The following SNED1 variants were observed in gnomAD, a reference collection of about 807,000 sequenced individuals.
The protein encoded by SNED1 is sushi, nidogen and EGF-like domain-containing protein 1.
In SNED1, 81 loss-of-function variants were observed where a neutral mutation model predicts 166.7. The observed-to-expected ratio is 0.49, with a 90% CI of 0.41 to 0.58. The LOEUF is 0.58. Ranked by LOEUF, SNED1 falls within the 20% of genes least tolerant of loss-of-function variation. The pLI, the probability that SNED1 is intolerant of heterozygous loss-of-function variation, is 0.00. For missense variants in SNED1, 1,604 were observed against 2,000.2 expected (o/e 0.80, Z 3.78); for synonymous variants, 762 against 822.0 (o/e 0.93, Z 1.25).
At chr2:241,032,156 C>T (rs987582155) in intron 2 of SNED1, among the ~76,000 whole-genome samples, 12 of 152,104 alleles carry the variant, frequency 7.9e-5, no homozygotes, top group African/African-American at 2.9e-4. Context: ...TTGAGATCAG[C>T]CTGGCCAACA....
In SNED1 at chr2:241,018,247, G is replaced by A. The variant is rs151224507; in HGVS notation, c.214-12037G>A. ...CGTAACCCACAGGCGCTCAGATGAC[G>A]GGGAAGCTATGAATTCAAGTCAGCA... On this transcript the variant is annotated intron_variant, in intron 1 of 31. Coordinates refer to ENST00000310397, the MANE Select transcript of SNED1 (RefSeq NM_001080437.3). The surrounding 1 kb of genome is among the most constrained non-coding windows in gnomAD (Gnocchi z 5.4). Among the ~76,000 whole-genome samples the A allele has an allele frequency of 1.8e-4, 27 of 152,338 alleles. No individual in the cohort carries two copies. The highest frequency in any genetic ancestry group is 6.3e-4 in the African/African-American group (26 of 41,576).
At chr2:241,048,966 G>A in intron 10 of SNED1, 56 bp from the exon 11 acceptor site, 1 of 1,476,066 alleles carries the variant, frequency 6.8e-7, no homozygotes, top group Non-Finnish European at 9.3e-7. Context: ...ACAAGGACTC[G>A]AGGTCTGCTG....
chr2:241,002,427 C>T (rs1483143749), intron 1 of SNED1, among the ~76,000 whole-genome samples: 1 of 152,226 alleles, frequency 6.6e-6, no homozygotes, highest in East Asian at 1.9e-4. Flanking sequence ...CTGCCCTATT[C>T]ACTGAGGTTC....
chr2:241,028,731 A>T (rs1378677716), intron 1 of SNED1, among the ~76,000 whole-genome samples: 1 of 152,188 alleles, frequency 6.6e-6, no homozygotes, highest in Non-Finnish European at 1.5e-5. Flanking sequence ...CCAATATTGT[A>T]CTTCCTTTCC....
chr2:241,001,784 G>A (rs1377422319), intron 1 of SNED1, among the ~76,000 whole-genome samples: 1 of 152,170 alleles, frequency 6.6e-6, no homozygotes, highest in Non-Finnish European at 1.5e-5. Flanking sequence ...ATGGTCTCTG[G>A]GCCATGGGAG....
At chr2:241,063,435 G>C in intron 17 of SNED1, 152 bp from the exon 18 acceptor site, 1 of 661,978 alleles carries the variant, frequency 1.5e-6, no homozygotes. Context: ...GGGTGGGTTT[G>C]GGGCTGATGG....
chr2:241,012,680 A>G (rs2060447954), intron 1 of SNED1, among the ~76,000 whole-genome samples: 1 of 152,226 alleles, frequency 6.6e-6, no homozygotes, highest in Non-Finnish European at 1.5e-5. Context: ...ATACCTACAC[A>G]TTGTGAAATG....
Position 241,051,499 on chromosome 2 carries a change from C to T in SNED1, c.1736-245C>T. On this transcript the variant is annotated intron_variant, in intron 12 of 31. Transcript: ENST00000310397. The surrounding 1 kb of genome is among the most constrained non-coding windows in gnomAD (Gnocchi z 4.7). ...GGCCCAGCCATTGCCAGAGCCTGGG[C>T]AGAAAAGAGGACAGGCAAGCAAAGG... The T allele has an allele frequency of 2.5e-6, 1 of 399,846 alleles. No individual in the cohort carries two copies. The allele number at this position is 399,846 out of a possible 1,614,324, so 24.8% of individuals were successfully genotyped here. A position where few individuals can be genotyped will look rare whatever the true frequency, so the allele number is the denominator to read the frequency against.
chr2:241,069,832 G>T lies in SNED1; in HGVS notation c.3308-88G>T. The T allele has an allele frequency of 1.4e-6, 2 of 1,461,838 alleles. No homozygotes were observed. The highest frequency in any genetic ancestry group is 1.9e-5 in the Admixed American group (1 of 52,286). The allele number at this position is 1,461,838 out of a possible 1,614,324, so 90.6% of individuals were successfully genotyped here. A position where few individuals can be genotyped will look rare whatever the true frequency, so the allele number is the denominator to read the frequency against. ...AGAATCTGGCTTCCAGCAAGGCTGC[G>T]GCAGCCCATGTCCGGTTCTCAAACC... On this transcript the variant is annotated intron_variant, in intron 23 of 31. Coordinates refer to ENST00000310397, the MANE Select transcript of SNED1 (RefSeq NM_001080437.3). The surrounding 1 kb of genome is among the most constrained non-coding windows in gnomAD (Gnocchi z 4.9).
Position 241,005,640 on chromosome 2 carries a change from A to C in SNED1, c.213+6590A>C, listed in dbSNP as rs1278887546. On this transcript the variant is annotated intron_variant, in intron 1 of 31. Coordinates refer to ENST00000310397, the MANE Select transcript of SNED1 (RefSeq NM_001080437.3). ...TCTCTTTATCTTCATTTTTTGAAAGATAGCTCTGCTGGGTGGGTGTAGAAT... is the reference window on the plus strand; with the variant it reads ...TCTCTTTATCTTCATTTTTTGAAAGCTAGCTCTGCTGGGTGGGTGTAGAAT... 2.6e-5 allele frequency among the ~76,000 whole-genome samples: 4 copies of C among 152,124 alleles called. No homozygotes were observed. The East Asian group carries it at 7.7e-4, about 29-fold the overall frequency.
intron 1 of SNED1, among the ~76,000 whole-genome samples, chr2:241,004,601 T>C (rs1050478886): frequency 2.6e-5 from 4 of 152,254 alleles, no homozygotes; most frequent in Non-Finnish European, 4.4e-5. Context: ...TATTATACTC[T>C]TTCAAGTATG....
At position 241,067,919 on chromosome 2, in the gene SNED1, G is replaced by A. The variant is rs1414449770; in HGVS notation, c.3166G>A (p.Asp1056Asn). 1 of 1,613,076 alleles carries A rather than the reference G, an allele frequency of 6.2e-7. No homozygotes were observed. The highest frequency in any genetic ancestry group is 8.5e-7 in the Non-Finnish European group (1 of 1,179,706). Residue 1056 changes from aspartate (D) to asparagine (N), a missense_variant, in exon 22 of 32, where the codon GAC (aspartate) becomes AAC (asparagine). Coordinates refer to ENST00000310397, the MANE Select transcript of SNED1 (RefSeq NM_001080437.3). ...EALRDQATDV[D>N]RSVDRFTFRA... ...CCTCAGGGACCAGGCCACCGATGTG[G>A]ACAGGAGTGTGGACAGGTTCACCTT...
rs1182177483 is a variant in SNED1 at position 241,053,378 on chromosome 2, T to A, written c.2257+52T>A. ...GCAGGTGGGGCCCACACCCTCCTCA[T>A]CCTGGCCATGTGGAGGAGCACAGGG... On this transcript the variant is annotated intron_variant, in intron 16 of 31. Coordinates refer to ENST00000310397, the MANE Select transcript of SNED1 (RefSeq NM_001080437.3). 1.1e-5 allele frequency: 17 copies of A among 1,503,056 alleles called. 2 individuals carry two copies. The highest frequency in any genetic ancestry group is 1.4e-5 in the Non-Finnish European group (16 of 1,122,934). 93.1% of individuals were successfully genotyped at this position (1,503,056 alleles called of 1,614,324 possible). A position where few individuals can be genotyped will look rare whatever the true frequency, so the allele number is the denominator to read the frequency against.
At chr2:241,009,648 C>T (rs568593155) in intron 1 of SNED1, among the ~76,000 whole-genome samples, 26 of 152,248 alleles carry the variant, frequency 1.7e-4, no homozygotes, top group African/African-American at 5.8e-4. Context: ...CATCAACACT[C>T]TCCTGGGAGC....
chr2:241,092,681 C>G lies in SNED1; in HGVS notation c.*1045C>G, dbSNP rs954518017. On this transcript the variant is annotated 3_prime_UTR_variant, in exon 32 of 32. Coordinates refer to ENST00000310397, the MANE Select transcript of SNED1 (RefSeq NM_001080437.3). This position sits in a 1 kb window ranked among gnomAD's most constrained non-coding sequence, Gnocchi z 4.6. ...AACAGAGATGGACACCTGGGCTGGG[C>G]TGGACAATGTTTAAGGTTCCTTTTA... The G allele has an allele frequency of 1.3e-5, 2 of 152,242 alleles. No individual in the cohort carries two copies. The highest frequency in any genetic ancestry group is 1.9e-4 in the East Asian group (1 of 5,196). 9.4% of individuals were successfully genotyped at this position (152,242 alleles called of 1,614,324 possible).
At chr2:241,082,070 G>A (rs934014040) in intron 28 of SNED1, among the ~76,000 whole-genome samples, 8 of 152,152 alleles carry the variant, frequency 5.3e-5, no homozygotes, top group Non-Finnish European at 4.4e-5. Flanking sequence ...GCGGTGTCAG[G>A]AGAAGGGACT....
At chr2:241,054,223 C>T (rs1160223718) in intron 16 of SNED1, among the ~76,000 whole-genome samples, 5 of 152,118 alleles carry the variant, frequency 3.3e-5, no homozygotes, top group Non-Finnish European at 5.9e-5. Context: ...GATGAGAAGC[C>T]GATATCCTCA....
intron 15 of SNED1, 132 bp from the exon 16 acceptor site, chr2:241,053,021 C>A: frequency 1.2e-6 from 1 of 842,542 alleles, no homozygotes; most frequent in Admixed American, 2.7e-5. Flanking sequence ...AGTCGAGGCA[C>A]CTTTCCCCGG....
At chr2:241,010,698 G>C (rs1413617661) in intron 1 of SNED1, 1 of 152,460 alleles carries the variant, frequency 6.6e-6, no homozygotes, top group Non-Finnish European at 1.5e-5. Context: ...GGCACTCACC[G>C]GGGTGCCTAA....
Sources: allele counts gnomAD v4.1 joint callset (sites outside exome capture counted in the v4.1 genomes callset), GRCh38; gene constraint gnomAD v4.1.1; non-coding constraint Gnocchi (gnomAD v3.1); transcripts MANE v1.5; gene names NCBI Gene and HGNC (gene_info 2026-07-23, HGNC 2026-07-21).